Variants in RBFOX2 observed in about 807,000 individuals in gnomAD.
RBFOX2 encodes RNA binding fox-1 homolog 2.
A neutral mutation model predicts 49.1 loss-of-function variants in RBFOX2; 10 were observed. The observed-to-expected ratio is 0.20, with a 90% CI of 0.13 to 0.35. The LOEUF is 0.35. Ranked by LOEUF, RBFOX2 falls within the 10% of genes least tolerant of loss-of-function variation. The probability of loss-of-function intolerance (pLI) is 1.00; values close to 1 mark genes in which losing one functional copy is unlikely to be tolerated. For synonymous variants in RBFOX2, 183 were observed against 187.4 expected, an observed-to-expected ratio of 0.98 and a Z score of 0.19; for missense variants, 323 against 486.9, an observed-to-expected ratio of 0.66 and a Z score of 3.17.
rs191805930 is a variant in RBFOX2, at chr22:35,881,676, T to C, written c.-34+57171A>G. On this transcript the variant is annotated intron_variant, in intron 1 of 13. Coordinates refer to the RBFOX2 transcript ENST00000359369. ...CTTATTTCTTAATTATAAGAAAACT[T>C]AGGGCCGGGCACAGTGGCTCACACC... Among the ~76,000 whole-genome samples, 395 of 151,852 alleles carry C rather than the reference T, an allele frequency of 2.6e-3. 4 individuals carry two copies. Among genetic ancestry groups the C allele is most frequent in the African/African-American group, 9.3e-3 (386 of 41,422 alleles).
intron 2 of RBFOX2, among the ~76,000 whole-genome samples, chr22:35,809,176 T>C (rs533287638): frequency 6.6e-6 from 1 of 152,130 alleles, no homozygotes; most frequent in African/African-American, 2.4e-5. Context: ...TCTTTTAAAT[T>C]TCCTAACAGC....
chr22:35,950,677 G>C (rs190700970), intron 1 of RBFOX2, among the ~76,000 whole-genome samples: 11 of 152,126 alleles, frequency 7.2e-5, no homozygotes, highest in Admixed American at 7.2e-4. Flanking sequence ...CATTCTGAGA[G>C]TCAAAGTCAT....
chr22:35,840,073 C>G, intron 1 of RBFOX2: 1 of 1,338,572 alleles, frequency 7.5e-7, no homozygotes. Flanking sequence ...AACAATAAAT[C>G]TGGTCTGTTC....
chr22:35,935,651 T>G (rs975473510), intron 1 of RBFOX2, among the ~76,000 whole-genome samples: 1 of 152,198 alleles, frequency 6.6e-6, no homozygotes, highest in African/African-American at 2.4e-5. Context: ...TGAAGAAGTC[T>G]ACGAAGCCCC....
At chr22:35,757,337 T>C (rs1256334981) in intron 9 of RBFOX2, among the ~76,000 whole-genome samples, 1 of 152,032 alleles carries the variant, frequency 6.6e-6, no homozygotes, top group Non-Finnish European at 1.5e-5. Context: ...CAAAACATTA[T>C]TTTGGGACCA....
chr22:35,877,213 G>T (rs1336510981), intron 1 of RBFOX2, among the ~76,000 whole-genome samples: 1 of 152,080 alleles, frequency 6.6e-6, no homozygotes, highest in Non-Finnish European at 1.5e-5. Flanking sequence ...AAAAGAAACA[G>T]CAAGATTTAG....
At chr22:36,025,987 G>C (rs1051060102) in intron 1 of RBFOX2, among the ~76,000 whole-genome samples, 1 of 152,134 alleles carries the variant, frequency 6.6e-6, no homozygotes, top group South Asian at 2.1e-4. Context: ...ATAGAAGGCC[G>C]GGTGTGGTGG....
intron 1 of RBFOX2, among the ~76,000 whole-genome samples, chr22:35,839,157 A>ATG (rs1374860316): frequency 6.6e-6 from 1 of 152,228 alleles, no homozygotes; most frequent in African/African-American, 2.4e-5. Context: ...AAGGATTTGA[A>ATG]TGTCCTACAG....
At chr22:35,979,808 G>T (rs2057370715) in intron 1 of RBFOX2, among the ~76,000 whole-genome samples, 1 of 152,212 alleles carries the variant, frequency 6.6e-6, no homozygotes, top group Non-Finnish European at 1.5e-5. Flanking sequence ...GCTCAGAAAG[G>T]TTAAAACGTG....
chr22:35,935,448 G>C (rs1038097219), intron 1 of RBFOX2, among the ~76,000 whole-genome samples: 2 of 152,166 alleles, frequency 1.3e-5, no homozygotes, highest in Non-Finnish European at 2.9e-5. Flanking sequence ...GCATAAACAT[G>C]CAAGAGGTGG....
intron 1 of RBFOX2, among the ~76,000 whole-genome samples, chr22:35,934,020 A>G (rs2052756359): frequency 6.7e-6 from 1 of 150,114 alleles, no homozygotes; most frequent in Non-Finnish European, 1.5e-5. Context: ...TTTGTGAAAA[A>G]TAAGTCAAGA....
At chr22:35,979,554 A>G (rs1569517600) in intron 1 of RBFOX2, among the ~76,000 whole-genome samples, 1 of 152,202 alleles carries the variant, frequency 6.6e-6, no homozygotes, top group Non-Finnish European at 1.5e-5. Flanking sequence ...ATGTACACAA[A>G]CCCCACACAC....
chr22:35,878,343 A>C (rs887137376), intron 1 of RBFOX2, among the ~76,000 whole-genome samples: 3 of 152,142 alleles, frequency 2.0e-5, no homozygotes, highest in Non-Finnish European at 4.4e-5. Flanking sequence ...AGCTGCAGTG[A>C]GCCGAGATCA....
intron 1 of RBFOX2, among the ~76,000 whole-genome samples, chr22:35,820,671 G>A (rs1328547288): frequency 6.6e-6 from 1 of 152,064 alleles, no homozygotes; most frequent in Non-Finnish European, 1.5e-5. Flanking sequence ...GTATCCCAGT[G>A]GCTGCCTTAA....
intron 1 of RBFOX2, among the ~76,000 whole-genome samples, chr22:35,813,880 T>C (rs548465637): frequency 6.6e-6 from 1 of 152,284 alleles, no homozygotes; most frequent in African/African-American, 2.4e-5. Context: ...GTATCTTGGG[T>C]TGATATCAAA....
At chr22:35,978,146 A>G (rs1444361676) in intron 1 of RBFOX2, among the ~76,000 whole-genome samples, 2 of 152,144 alleles carry the variant, frequency 1.3e-5, no homozygotes, top group Admixed American at 1.3e-4. Flanking sequence ...TATTGGGGAT[A>G]AGGGGAGCCA....
chr22:36,003,188 T>C (rs2058496438), intron 1 of RBFOX2, among the ~76,000 whole-genome samples: 1 of 152,232 alleles, frequency 6.6e-6, no homozygotes, highest in Non-Finnish European at 1.5e-5. Context: ...ATCCTGATAT[T>C]AACTCATTCT....
At chr22:35,972,186 T>A (rs1056351634) in intron 1 of RBFOX2, among the ~76,000 whole-genome samples, 1 of 152,146 alleles carries the variant, frequency 6.6e-6, no homozygotes, top group African/African-American at 2.4e-5. Flanking sequence ...TAGATCATTT[T>A]GGGGTTTTTT....
exon 1 of RBFOX2, among the ~76,000 whole-genome samples, chr22:36,028,600 C>T (rs1018198433): frequency 3.4e-5 from 5 of 149,182 alleles, no homozygotes; most frequent in Non-Finnish European, 7.5e-5. Flanking sequence ...GGCCGCCGCT[C>T]CTTGCCTGAC....
Sources: allele counts gnomAD v4.1 joint callset (sites outside exome capture counted in the v4.1 genomes callset), GRCh38; gene constraint gnomAD v4.1.1; transcripts MANE v1.5; gene names NCBI Gene and HGNC (gene_info 2026-07-23, HGNC 2026-07-21).